Variants in BTBD8 observed in about 807,000 individuals in gnomAD.
BTBD8 encodes the protein BTB/POZ domain-containing protein 8.
Under a neutral mutation model 162.9 loss-of-function variants are expected in BTBD8, and 110 were observed. The ratio of observed to expected loss-of-function variants is 0.68; its 90% CI spans 0.58 to 0.79. BTBD8 has a LOEUF of 0.79. Among genes scored for constraint, BTBD8 ranks in the 30% least tolerant of loss-of-function variants. BTBD8 has a pLI of 0.00. For missense variants in BTBD8, 1,905 were observed against 2,085.4 expected (o/e 0.91, Z 1.68); for synonymous variants, 667 against 716.1 (o/e 0.93, Z 1.10).
At chr1:92,089,746 C>G (rs1433057179) in intron 2 of BTBD8, among the ~76,000 whole-genome samples, 1 of 152,140 alleles carries the variant, frequency 6.6e-6, no homozygotes, top group East Asian at 1.9e-4. Context: ...TCTCAAATGT[C>G]CCACCTCTTC....
rs1237827277 is a variant in BTBD8 at position 92,182,590 on chromosome 1, CTGCAGGTAATG to C, written c.4909_4912+7del. ...ACTGAAAAAGCTAATATTGCTTTAT[CTGCAGGTAATG>C]TACAGAAATAGAAATGCTAAATGCA... On this transcript the variant is annotated splice_donor_variant and splice_donor_5th_base_variant and coding_sequence_variant and intron_variant, in exon 17 of 18. Coordinates refer to ENST00000636805, the MANE Select transcript of BTBD8 (RefSeq NM_001376131.1). LOFTEE classifies it high-confidence loss of function. 5 of 1,478,670 alleles carry C rather than the reference CTGCAGGTAATG, an allele frequency of 3.4e-6. No homozygotes were observed. The Admixed American group carries it at 1.2e-4, about 34-fold the overall frequency. 91.6% of individuals were successfully genotyped at this position (1,478,670 alleles called of 1,614,324 possible).
In BTBD8 at chr1:92,181,098, A is replaced by G. The variant is rs374380465; in HGVS notation, c.3415A>G (p.Ile1139Val). Reference protein sequence around the residue: ...GRKDTNKQSSIKCVEDVSLCN... With the variant: ...GRKDTNKQSSVKCVEDVSLCN... ...AAAAGATACAAACAAACAATCAAGT[A>G]TTAAATGTGTGGAAGATGTTTCACT... Residue 1139 changes from isoleucine to valine, a missense_variant, in exon 17 of 18, where the codon ATT (isoleucine) becomes GTT (valine). Ile to Val is a conservative substitution (Grantham distance 29). This residue lies in a region of BTBD8 where 1,374 missense variants were observed against 1,442.7 expected (regional missense o/e 0.95). Coordinates refer to ENST00000636805, the MANE Select transcript of BTBD8 (RefSeq NM_001376131.1). 15 of 1,551,554 alleles carry G rather than the reference A, an allele frequency of 9.7e-6. No individual in the cohort carries two copies. In the African/African-American group the frequency reaches 1.1e-4, roughly 11 times the overall value.
At chr1:92,174,740 C>T (rs528924494) in intron 13 of BTBD8, among the ~76,000 whole-genome samples, 7 of 152,194 alleles carry the variant, frequency 4.6e-5, no homozygotes, top group African/African-American at 1.2e-4. Flanking sequence ...CCAGTCTCTA[C>T]GCTGTGGACA....
chr1:92,143,115 A>G (rs1031598597), intron 7 of BTBD8, among the ~76,000 whole-genome samples: 4 of 152,238 alleles, frequency 2.6e-5, no homozygotes, highest in African/African-American at 7.2e-5. Context: ...GAATCTGCCT[A>G]TAGTTTCATT....
intron 9 of BTBD8, among the ~76,000 whole-genome samples, chr1:92,161,193 A>G (rs1650265583): frequency 6.6e-6 from 1 of 152,186 alleles, no homozygotes; most frequent in African/African-American, 2.4e-5. Flanking sequence ...TTGTTGAATC[A>G]GTGTGTTCAT....
At chr1:92,134,140 A>ATTT (rs377133031) in intron 5 of BTBD8, among the ~76,000 whole-genome samples, 96,103 of 151,976 alleles carry the variant, frequency 0.63, 30,901 homozygotes, top group East Asian at 0.97. Flanking sequence ...AAGGAACTCC[A>ATTT]CTTGTTTCAT....
At chr1:92,155,763 C>T (rs1344181779) in intron 9 of BTBD8, among the ~76,000 whole-genome samples, 2 of 152,184 alleles carry the variant, frequency 1.3e-5, no homozygotes, top group Non-Finnish European at 2.9e-5. Flanking sequence ...AGTTGAAATG[C>T]AACTGATTAT....
intron 9 of BTBD8, among the ~76,000 whole-genome samples, chr1:92,148,924 T>C (rs1435857046): frequency 1.3e-5 from 2 of 152,192 alleles, no homozygotes; most frequent in Non-Finnish European, 2.9e-5. Flanking sequence ...AATGCAGTAC[T>C]CCCAGGCTCT....
At chr1:92,164,860 A>G (rs146456988) in intron 9 of BTBD8, among the ~76,000 whole-genome samples, 171 of 151,748 alleles carry the variant, frequency 1.1e-3, no homozygotes, top group African/African-American at 3.9e-3. Flanking sequence ...CACCGTGTTG[A>G]CCAGGATGGT....
intron 9 of BTBD8, among the ~76,000 whole-genome samples, chr1:92,163,136 C>T (rs1396606786): frequency 5.3e-5 from 8 of 151,696 alleles, no homozygotes; most frequent in African/African-American, 7.3e-5. Flanking sequence ...AGGCAGATCA[C>T]GAGGTCAGGA....
intron 4 of BTBD8, among the ~76,000 whole-genome samples, chr1:92,117,534 ACT>A (rs1557445547): frequency 1.3e-5 from 2 of 151,876 alleles, no homozygotes; most frequent in Admixed American, 6.6e-5. Flanking sequence ...GCCGGAAGGA[ACT>A]TGAATATCTG....
At chr1:92,147,909 A>G in intron 9 of BTBD8, 123 bp downstream of exon 9, 1 of 781,330 alleles carries the variant, frequency 1.3e-6, no homozygotes, top group South Asian at 1.9e-5. Context: ...GCGTGAACCA[A>G]TTCAGATAAC....
chr1:92,125,396 A>C (rs547185356), intron 4 of BTBD8: 53 of 246,714 alleles, frequency 2.1e-4, no homozygotes, highest in Non-Finnish European at 3.6e-4. Context: ...GGCACTGCTC[A>C]AAGATTCTAT....
chr1:92,176,428 GTGGGATGATGTATACAAAAGA>G (rs1650711941), intron 13 of BTBD8, among the ~76,000 whole-genome samples: 1 of 152,172 alleles, frequency 6.6e-6, no homozygotes, highest in Admixed American at 6.5e-5. Flanking sequence ...TGAGGATTAA[GTGGGATGATGTATACAAAAGA>G]TGTAGTATAA....
At chr1:92,173,561 TA>T (rs1427957019) in intron 13 of BTBD8, among the ~76,000 whole-genome samples, 1 of 152,194 alleles carries the variant, frequency 6.6e-6, no homozygotes, top group East Asian at 1.9e-4. Context: ...AAAGTTTCAT[TA>T]TTTTTCCTCA....
At position 92,182,332 on chromosome 1, in the gene BTBD8, T is replaced by G. The variant is rs1052984654; in HGVS notation, c.4649T>G (p.Leu1550Arg). 1 of 1,550,610 alleles carries G rather than the reference T, an allele frequency of 6.4e-7. No individual in the cohort carries two copies. The highest frequency in any genetic ancestry group is 8.7e-7 in the Non-Finnish European group (1 of 1,146,768). The change falls in exon 17 of 18, where the codon CTT becomes CGT. Residue 1550 changes from leucine (L) to arginine (R), a missense_variant. This residue lies in a region of BTBD8 where 517 missense variants were observed against 606.6 expected (regional missense o/e 0.85). Coordinates refer to ENST00000636805, the MANE Select transcript of BTBD8 (RefSeq NM_001376131.1). ...CTATCCAGTAGAAGCAGACAGCTTC[T>G]TCGAGAAGATAAAAAAGTAAACAAT... ...DVLSSRSRQL[L>R]REDKKVNNGS... is the part of the protein sequence containing the mutation.
rs1650914186 is a variant in BTBD8, at chr1:92,181,722, C to A, written c.4039C>A (p.Pro1347Thr). Residue 1347 changes from proline to threonine, a missense_variant, in exon 17 of 18, where the codon CCA (proline) becomes ACA (threonine). Physicochemically the swap from Pro to Thr is conservative, Grantham distance 38 (BLOSUM62 -1). Transcript: ENST00000636805. The stretch of plus-strand genomic sequence containing the variant: ...TGATGATGAAATCCCTAGGAAAAGG[C>A]CAGAAATTTGGTCTCGATCTGCAAT... Reference protein sequence around the residue: ...TSDDEIPRKRPEIWSRSAIVH... With the variant: ...TSDDEIPRKRTEIWSRSAIVH... 1 of 1,551,468 alleles carries A rather than the reference C, an allele frequency of 6.4e-7. No homozygotes were observed. The highest frequency in any genetic ancestry group is 1.7e-4 in the Middle Eastern group (1 of 5,996).
intron 13 of BTBD8, among the ~76,000 whole-genome samples, chr1:92,173,424 AT>A (rs1246362664): frequency 2.0e-5 from 3 of 151,984 alleles, no homozygotes; most frequent in African/African-American, 7.3e-5. Flanking sequence ...GCACTAGGAC[AT>A]TTTTTTCTGT....
intron 5 of BTBD8, among the ~76,000 whole-genome samples, chr1:92,135,366 G>A (rs1181294372): frequency 6.6e-6 from 1 of 152,154 alleles, no homozygotes; most frequent in Non-Finnish European, 1.5e-5. Flanking sequence ...TTTATTTTTA[G>A]TAGAGACAGG....
Sources: allele counts gnomAD v4.1 joint callset (sites outside exome capture counted in the v4.1 genomes callset), GRCh38; gene constraint gnomAD v4.1.1; regional missense constraint gnomAD v4.1.1; transcripts MANE v1.5; gene names NCBI Gene and HGNC (gene_info 2026-07-23, HGNC 2026-07-21).